SLC25A31: variants seen among roughly 807,000 people sequenced by gnomAD.
The protein encoded by SLC25A31 is ADP/ATP translocase 4.
In SLC25A31, 40 loss-of-function variants were observed where a neutral mutation model predicts 36.2. The observed-to-expected ratio is 1.10, with a 90% CI of 0.86 to 1.44. The LOEUF is 1.44. Among genes scored for constraint, SLC25A31 ranks in the 40% most tolerant of loss-of-function variants. The pLI is 0.00. For missense variants in SLC25A31, 350 were observed against 397.1 expected (o/e 0.88, Z 1.01); for synonymous variants, 143 against 149.7 (o/e 0.96, Z 0.32).
intron 2 of SLC25A31, among the ~76,000 whole-genome samples, chr4:127,747,916 A>G (rs2148757250): frequency 6.6e-6 from 1 of 152,362 alleles, no homozygotes; most frequent in African/African-American, 2.4e-5. Context: ...CACACAGGGA[A>G]GAGACCTAGA....
chr4:127,754,791 T>A (rs1445847440), intron 2 of SLC25A31, among the ~76,000 whole-genome samples: 1 of 152,142 alleles, frequency 6.6e-6, no homozygotes, highest in Non-Finnish European at 1.5e-5. Context: ...AAAATTCCAA[T>A]GGCATTTTTT....
rs1246935960 is a variant in SLC25A31 at position 127,772,770 on chromosome 4, ATTTCTTTTTTTT to A, written c.760-600_760-589del. 3.4e-5 allele frequency among the ~76,000 whole-genome samples: 5 copies of A among 147,588 alleles called. No individual in the cohort carries two copies. In the East Asian group the frequency reaches 8.0e-4, roughly 24 times the overall value. ...AGTGTTCTTAACATCCCAACATATG[ATTTCTTTTTTTT>A]TTTCTTTTTTTTTTTTTGAGACAGG... is the stretch of plus-strand genomic sequence containing the variant. On this transcript the variant is annotated intron_variant, in intron 5 of 5. Coordinates refer to ENST00000281154, the MANE Select transcript of SLC25A31 (RefSeq NM_031291.4).
At chr4:127,745,639 CT>C (rs1299696433) in intron 2 of SLC25A31, among the ~76,000 whole-genome samples, 4 of 152,000 alleles carry the variant, frequency 2.6e-5, no homozygotes, top group African/African-American at 7.2e-5. Flanking sequence ...TCTGTATTCC[CT>C]TTTTTCACAG....
intron 1 of SLC25A31, among the ~76,000 whole-genome samples, chr4:127,735,807 CAAAAAA>C (rs34015425): frequency 5.7e-5 from 6 of 105,474 alleles, no homozygotes; most frequent in South Asian, 2.9e-4. Context: ...ACCTCCCCTG[CAAAAAA>C]AAAAAAAAAA....
chr4:127,743,335 A>C (rs188613705), intron 1 of SLC25A31, among the ~76,000 whole-genome samples: 1 of 151,916 alleles, frequency 6.6e-6, no homozygotes, highest in Non-Finnish European at 1.5e-5. Context: ...GCGGTCTCAC[A>C]ATGTTGCCCA....
At chr4:127,742,465 T>TA (rs1436353781) in intron 1 of SLC25A31, among the ~76,000 whole-genome samples, 2 of 152,216 alleles carry the variant, frequency 1.3e-5, no homozygotes, top group East Asian at 3.8e-4. Flanking sequence ...CACACATAGT[T>TA]ACATTTCTTT....
rs1033799128 is a variant in SLC25A31 at position 127,730,479 on chromosome 4, T to A, written c.-67T>A. The A allele has an allele frequency of 1.2e-5, 18 of 1,515,764 alleles. No individual in the cohort carries two copies. The highest frequency in any genetic ancestry group is 1.5e-5 in the Non-Finnish European group (17 of 1,102,060). 93.9% of individuals were successfully genotyped at this position (1,515,764 alleles called of 1,614,324 possible). On this transcript the variant is annotated 5_prime_UTR_variant, in exon 1 of 6. Coordinates refer to ENST00000281154, the MANE Select transcript of SLC25A31 (RefSeq NM_031291.4). ...CTGCAGCGGTTTTCCGGTTTTCCGCTTCCCTTCATCGTAGCTCCCGTACTC... is the reference window on the plus strand; with the variant it reads ...CTGCAGCGGTTTTCCGGTTTTCCGCATCCCTTCATCGTAGCTCCCGTACTC...
chr4:127,736,839 T>C (rs114419746), intron 1 of SLC25A31, among the ~76,000 whole-genome samples: 2,104 of 152,362 alleles, frequency 0.014, 49 homozygotes, highest in African/African-American at 0.046. Flanking sequence ...TATAAACATG[T>C]ACTCCAGATG....
At chr4:127,739,965 T>C (rs1731704604) in intron 1 of SLC25A31, among the ~76,000 whole-genome samples, 1 of 152,110 alleles carries the variant, frequency 6.6e-6, no homozygotes. Context: ...TCTTCTTTCA[T>C]TTCCCAGATT....
At chr4:127,767,352 A>AT in intron 4 of SLC25A31, 132 bp downstream of exon 4, 1 of 871,732 alleles carries the variant, frequency 1.1e-6, no homozygotes, top group African/African-American at 1.7e-5. Flanking sequence ...GAGACATGAA[A>AT]TTCTGCTTAA....
intron 1 of SLC25A31, among the ~76,000 whole-genome samples, chr4:127,737,856 G>C (rs1348304256): frequency 6.6e-6 from 1 of 151,988 alleles, no homozygotes; most frequent in Non-Finnish European, 1.5e-5. Flanking sequence ...ACCATGCCTG[G>C]CTTGTGCTAT....
chr4:127,743,089 G>A (rs1731760847), intron 1 of SLC25A31, among the ~76,000 whole-genome samples: 1 of 150,252 alleles, frequency 6.7e-6, no homozygotes, highest in African/African-American at 2.4e-5. Flanking sequence ...TTTAAGTCTT[G>A]GTTGGCTAGT....
At chr4:127,734,588 G>A (rs180940430) in intron 1 of SLC25A31, among the ~76,000 whole-genome samples, 15 of 139,852 alleles carry the variant, frequency 1.1e-4, no homozygotes, top group South Asian at 2.3e-4. Context: ...AAAAAGATCC[G>A]TACAGTCTCA....
rs1560633162 is a variant in SLC25A31 at position 127,744,666 on chromosome 4, CTG to C, written c.233-4_233-3del. 1.9e-6 allele frequency: 3 copies of C among 1,590,694 alleles called. No individual in the cohort carries two copies. Among genetic ancestry groups the C allele is most frequent in the African/African-American group, 1.4e-5 (1 of 73,682 alleles). ...GGTTTATGTATTTATATGTTTCCCT[CTG>C]TAGGTTTCTTCAGTTTTTGGCGTGG... On this transcript the variant is annotated splice_region_variant and splice_polypyrimidine_tract_variant and intron_variant, in intron 1 of 5. Transcript: ENST00000281154.
rs1732262656 is a variant in SLC25A31, at chr4:127,767,231, G to C, written c.633+11G>C. ...TATGACACAGTTAAGGTAATCTGGG[G>C]GCTTTAACTTGGACATATTAAATAT... On this transcript the variant is annotated intron_variant, in intron 4 of 5. Transcript: ENST00000281154. 6.5e-7 allele frequency: 1 copy of C among 1,539,406 alleles called. No homozygotes were observed. Among genetic ancestry groups the C allele is most frequent in the East Asian group, 2.4e-5 (1 of 42,472 alleles).
intron 2 of SLC25A31, among the ~76,000 whole-genome samples, chr4:127,753,505 G>GATC (rs913805679): frequency 1.3e-5 from 2 of 152,058 alleles, no homozygotes; most frequent in Non-Finnish European, 2.9e-5. Context: ...AAATGCAAAA[G>GATC]ATCATAAGAG....
At chr4:127,733,007 G>A (rs1185712846) in intron 1 of SLC25A31, among the ~76,000 whole-genome samples, 1 of 152,178 alleles carries the variant, frequency 6.6e-6, no homozygotes, top group Non-Finnish European at 1.5e-5. Context: ...ATGACTTTTA[G>A]ATCTCCCCTT....
At chr4:127,758,098 A>T (rs1247226945) in intron 2 of SLC25A31, among the ~76,000 whole-genome samples, 1 of 152,182 alleles carries the variant, frequency 6.6e-6, no homozygotes, top group African/African-American at 2.4e-5. Flanking sequence ...ATTTACTATC[A>T]TAAGAGTAGC....
chr4:127,731,529 C>T (rs1234022717), intron 1 of SLC25A31, among the ~76,000 whole-genome samples: 2 of 152,112 alleles, frequency 1.3e-5, no homozygotes, highest in African/African-American at 4.8e-5. Flanking sequence ...ACTAACATGG[C>T]GAAACCCAGT....
Sources: gnomAD v4.1 joint callset for allele counts (sites outside exome capture counted in the v4.1 genomes callset) on GRCh38, gnomAD v4.1.1 for gene constraint, MANE v1.5 for transcripts, NCBI Gene and HGNC (gene_info 2026-07-23, HGNC 2026-07-21) for gene names.